The following TTBK2 variants were observed in gnomAD, a reference collection of about 807,000 sequenced individuals.
TTBK2 encodes tau-tubulin kinase 2.
TTBK2 carries 28 observed loss-of-function variants against 110.8 expected under a neutral mutation model. That is an observed-to-expected ratio of 0.25 (90% CI 0.19 to 0.35). The LOEUF is 0.35. Among genes scored for constraint, TTBK2 ranks in the 10% least tolerant of loss-of-function variants. The pLI is 1.00. For missense variants in TTBK2, 1,369 were observed against 1,500.3 expected (o/e 0.91, Z 1.45); for synonymous variants, 532 against 527.3 (o/e 1.01, Z -0.12).
At chr15:42,786,184 G>C (rs1017989214) in intron 10 of TTBK2, among the ~76,000 whole-genome samples, 1 of 152,028 alleles carries the variant, frequency 6.6e-6, no homozygotes, top group Non-Finnish European at 1.5e-5. Context: ...AGTTCTGACA[G>C]TGGAAGCATA....
At chr15:42,906,895 G>T (rs1012963855) in intron 1 of TTBK2, among the ~76,000 whole-genome samples, 23 of 150,728 alleles carry the variant, frequency 1.5e-4, no homozygotes, top group African/African-American at 5.6e-4. Context: ...AAAAAAAAAA[G>T]ACATTCGGGC....
At chr15:42,831,612 C>T (rs1892764518) in intron 4 of TTBK2, among the ~76,000 whole-genome samples, 2 of 152,188 alleles carry the variant, frequency 1.3e-5, no homozygotes, top group African/African-American at 4.8e-5. Flanking sequence ...TAATGTTAAT[C>T]TGTTAATGTA....
intron 13 of TTBK2, among the ~76,000 whole-genome samples, chr15:42,759,952 ATAATTT>A (rs2062000632): frequency 6.6e-6 from 1 of 152,234 alleles, no homozygotes; most frequent in Non-Finnish European, 1.5e-5. Flanking sequence ...AATCTAAATA[ATAATTT>A]TAAAGAAACT....
intron 6 of TTBK2, among the ~76,000 whole-genome samples, chr15:42,817,314 G>C (rs1396492202): frequency 6.6e-6 from 1 of 151,124 alleles, no homozygotes; most frequent in Non-Finnish European, 1.5e-5. Flanking sequence ...TTAATTTTCA[G>C]TCCAGTTTTT....
intron 4 of TTBK2, among the ~76,000 whole-genome samples, chr15:42,835,280 GAC>G (rs1237513471): frequency 2.0e-5 from 3 of 152,108 alleles, no homozygotes; most frequent in Non-Finnish European, 4.4e-5. Context: ...CTCACTGAAA[GAC>G]AGACAACCAG....
Position 42,746,233 on chromosome 15 carries a change from C to G in TTBK2, c.3297G>C (p.Gly1099=). ...EARLRRYKVL[G]SSNSDSDLFS... Reference sequence around the variant, plus strand: ...AAAGGTCTGAGTCGGAGTTACTACTCCCTAGGACTTTATATCTGCGTAGCC... The same window carrying G: ...AAAGGTCTGAGTCGGAGTTACTACTGCCTAGGACTTTATATCTGCGTAGCC... Residue 1099 remains glycine (G), a synonymous_variant, in exon 15 of 15, where the codon GGG becomes GGC. Transcript: ENST00000267890. 6.2e-7 allele frequency: 1 copy of G among 1,613,796 alleles called. No homozygotes were observed. Among genetic ancestry groups the G allele is most frequent in the Non-Finnish European group, 8.5e-7 (1 of 1,179,850 alleles).
intron 13 of TTBK2, among the ~76,000 whole-genome samples, chr15:42,754,348 T>G (rs2061912605): frequency 6.6e-6 from 1 of 152,114 alleles, no homozygotes; most frequent in South Asian, 2.1e-4. Context: ...CCCAAAGAGC[T>G]TGGATTAAAG....
At chr15:42,901,945 G>T (rs1267180809) in intron 1 of TTBK2, among the ~76,000 whole-genome samples, 2 of 152,198 alleles carry the variant, frequency 1.3e-5, no homozygotes, top group Admixed American at 6.5e-5. Flanking sequence ...GCCAGGGGCG[G>T]TGGCTCACGC....
At position 42,775,403 on chromosome 15, in the gene TTBK2, C is replaced by T. The variant is rs769690874; in HGVS notation, c.1730G>A (p.Ser577Asn). The change falls in exon 13 of 15, where the codon AGT becomes AAT. Residue 577 changes from serine to asparagine, a missense_variant. Ser to Asn is a conservative substitution (Grantham distance 46). Around this residue, in one of 4 missense-constraint regions of TTBK2, gnomAD observed 1,097 missense variants for 1,114.7 expected, o/e 0.98. Coordinates refer to ENST00000267890, the MANE Select transcript of TTBK2 (RefSeq NM_173500.4). The stretch of plus-strand genomic sequence containing the variant: ...TACTTCAGGCTCCTCATCAGAAGGA[C>T]TTCCAGTTGTTTTATGTCCTACAGC... ...NEAVGHKTTG[S>N]PSDEEPEVLQ... The T allele has an allele frequency of 6.2e-7, 1 of 1,614,224 alleles. No individual in the cohort carries two copies. The highest frequency in any genetic ancestry group is 8.5e-7 in the Non-Finnish European group (1 of 1,180,040).
intron 1 of TTBK2, among the ~76,000 whole-genome samples, chr15:42,904,062 T>C (rs2030227910): frequency 6.6e-6 from 1 of 152,128 alleles, no homozygotes. Context: ...AGCTTGGAAA[T>C]AGAACCCTCC....
intron 1 of TTBK2, among the ~76,000 whole-genome samples, chr15:42,919,326 T>G (rs2031248712): frequency 6.6e-6 from 1 of 152,198 alleles, no homozygotes; most frequent in Admixed American, 6.5e-5. Context: ...TAGCATTCAA[T>G]TCCCTTGATA....
At chr15:42,819,936 T>G (rs769718599) in intron 6 of TTBK2, among the ~76,000 whole-genome samples, 35 of 152,214 alleles carry the variant, frequency 2.3e-4, no homozygotes, top group Non-Finnish European at 4.1e-4. Flanking sequence ...AGACTTATTA[T>G]CACATTCTGC....
rs141313597 is a variant in TTBK2, at chr15:42,915,999, CAAAAAGA to C, written c.-68+4432_-68+4438del. ...GGTGAGATCCAGGAGAAATAGGGAG[CAAAAAGA>C]AAAAAGAAAAAAGAAAAGAGAGAGA... On this transcript the variant is annotated intron_variant, in intron 1 of 14. Coordinates refer to ENST00000267890, the MANE Select transcript of TTBK2 (RefSeq NM_173500.4). Among the ~76,000 whole-genome samples, 1,458 of 149,202 alleles carry C rather than the reference CAAAAAGA, an allele frequency of 9.8e-3. 19 individuals are homozygous for C. The highest frequency in any genetic ancestry group is 0.033 in the African/African-American group (1,333 of 40,522).
chr15:42,753,350 A>G, intron 13 of TTBK2, 103 bp from the exon 14 acceptor site: 1 of 1,246,238 alleles, frequency 8.0e-7, no homozygotes, highest in Admixed American at 2.1e-5. Flanking sequence ...TAGGAAGAAC[A>G]CAGATGTTGA....
chr15:42,822,373 T>G (rs1341915149), intron 6 of TTBK2, among the ~76,000 whole-genome samples: 3 of 152,080 alleles, frequency 2.0e-5, no homozygotes, highest in African/African-American at 7.2e-5. Flanking sequence ...AGTAAAAAAG[T>G]GAAAGTATTT....
intron 13 of TTBK2, among the ~76,000 whole-genome samples, chr15:42,766,446 C>CAAAAAAAAAAAAAAAAAAAAAAAA (rs567972612): frequency 9.7e-5 from 3 of 30,858 alleles, no homozygotes; most frequent in African/African-American, 3.2e-4. Flanking sequence ...GAATGGAAAG[C>CAAAAAAAAAAAAAAAAAAAAAAAA]AAAAAAAAAA....
chr15:42,835,196 A>G (rs79763516), intron 4 of TTBK2, among the ~76,000 whole-genome samples: 7,025 of 152,202 alleles, frequency 0.046, 421 homozygotes, highest in African/African-American at 0.13. Flanking sequence ...TAAAACCATT[A>G]GGAGAAAAAC....
At chr15:42,827,107 G>GA (rs1892567476) in intron 6 of TTBK2, among the ~76,000 whole-genome samples, 1 of 152,180 alleles carries the variant, frequency 6.6e-6, no homozygotes, top group Admixed American at 6.5e-5. Context: ...TGTGGCCAAG[G>GA]AAAGAGCAGA....
intron 3 of TTBK2, among the ~76,000 whole-genome samples, chr15:42,867,897 C>T (rs1218917958): frequency 6.6e-6 from 1 of 152,134 alleles, no homozygotes; most frequent in South Asian, 2.1e-4. Flanking sequence ...CAAGATATCC[C>T]TCAGTAGGTG....
Sources: gnomAD v4.1 joint callset for allele counts (sites outside exome capture counted in the v4.1 genomes callset) on GRCh38, gnomAD v4.1.1 for gene constraint, gnomAD v4.1.1 regional missense constraint, MANE v1.5 for transcripts, NCBI Gene and HGNC (gene_info 2026-07-23, HGNC 2026-07-21) for gene names.